The following HEBP1 variants were observed in gnomAD, a reference collection of about 807,000 sequenced individuals.
HEBP1 encodes the protein heme binding protein 1.
HEBP1 carries 13 observed loss-of-function variants against 20.4 expected under a neutral mutation model. That is an observed-to-expected ratio of 0.64 (90% CI 0.42 to 1.01). The LOEUF (loss-of-function observed/expected upper bound fraction) is 1.01, where lower values mean the gene tolerates loss of function less well. Ranked by LOEUF, HEBP1 falls within the 50% of genes least tolerant of loss-of-function variation. HEBP1 has a pLI of 0.00. For synonymous variants in HEBP1, 92 were observed against 90.7 expected (o/e 1.01, Z -0.08); for missense variants, 241 against 247.3 (o/e 0.97, Z 0.17).
intron 3 of HEBP1, chr12:12,984,720 A>T (rs896655715): frequency 2.0e-5 from 3 of 152,192 alleles, no homozygotes; most frequent in African/African-American, 7.2e-5. Flanking sequence ...TGAGCCCAGG[A>T]GTTTGAGGCT....
intron 1 of HEBP1, among the ~76,000 whole-genome samples, chr12:12,997,038 T>C (rs1864299057): frequency 6.6e-6 from 1 of 152,356 alleles, no homozygotes; most frequent in African/African-American, 2.4e-5. Flanking sequence ...TTTTCATGGT[T>C]TTAAAGAATT....
chr12:12,987,594 CTCTCTCTCTCTCTCTCTT>C (rs1327440456), intron 2 of HEBP1, among the ~76,000 whole-genome samples: 27 of 125,562 alleles, frequency 2.2e-4, no homozygotes, highest in African/African-American at 7.0e-4. Context: ...GTCTCTTTCT[CTCTCTCTCTCTCTCTCTT>C]TCTCTCTCTC....
At chr12:12,979,537 T>C (rs1381121063) in intron 3 of HEBP1, 3 of 152,214 alleles carry the variant, frequency 2.0e-5, no homozygotes, top group African/African-American at 7.2e-5. Context: ...CTTTGCCTCA[T>C]TGGTTCGTGC....
intron 3 of HEBP1, chr12:12,980,706 T>C (rs527882740): frequency 7.1e-6 from 1 of 140,218 alleles, no homozygotes; most frequent in African/African-American, 2.6e-5. Flanking sequence ...TGGTGGTGGG[T>C]GGGACGCTCT....
At position 12,975,448 on chromosome 12, in the gene HEBP1, A is replaced by G; in HGVS notation, c.430T>C (p.Tyr144His). ...CGCAGACGGGTGGCTTGTGCTACGT[A>G]GTCTGCTTCCTTGGCATAACCACCA... The part of the protein sequence containing the change: ...QFGGYAKEAD[Y>H]VAQATRLRAA... The change falls in exon 4 of 4, where the codon TAC (tyrosine) becomes CAC (histidine). Residue 144 changes from tyrosine (Y) to histidine (H), a missense_variant. Physicochemically the swap from Tyr to His is moderately conservative, Grantham distance 83. Transcript: ENST00000014930. The G allele has an allele frequency of 6.2e-7, 1 of 1,610,100 alleles. No individual in the cohort carries two copies. The highest frequency in any genetic ancestry group is 8.5e-7 in the Non-Finnish European group (1 of 1,178,434).
rs558357766 is a variant in HEBP1, at chr12:12,990,712, T to C, written c.79-1297A>G. Among the ~76,000 whole-genome samples, 14 of 152,272 alleles carry C rather than the reference T, an allele frequency of 9.2e-5. No individual in the cohort carries two copies. The East Asian group carries it at 2.7e-3, about 29-fold the overall frequency. ...AGTCTGACTTTGCAGGACTAACAAA[T>C]TAGCTACAAGATTAGAAATTACAAT... On this transcript the variant is annotated intron_variant, in intron 1 of 3. Coordinates refer to ENST00000014930, the MANE Select transcript of HEBP1 (RefSeq NM_015987.5).
At chr12:12,983,712 A>G (rs1864115540) in intron 3 of HEBP1, 2 of 455,978 alleles carry the variant, frequency 4.4e-6, no homozygotes, top group African/African-American at 4.0e-5. Flanking sequence ...GAGCCAGGCT[A>G]GACACCACAT....
chr12:12,992,782 G>A (rs965689130), intron 1 of HEBP1, among the ~76,000 whole-genome samples: 4 of 152,176 alleles, frequency 2.6e-5, no homozygotes, highest in African/African-American at 4.8e-5. Flanking sequence ...ATTTGAGAGC[G>A]CACCTACCCT....
intron 3 of HEBP1, among the ~76,000 whole-genome samples, chr12:12,978,343 T>C (rs1864026990): frequency 6.6e-6 from 1 of 150,402 alleles, no homozygotes; most frequent in Non-Finnish European, 1.5e-5. Flanking sequence ...CCCGAGTAGC[T>C]GGGACTACAG....
intron 2 of HEBP1, among the ~76,000 whole-genome samples, chr12:12,987,590 T>TCTCTCTCTC (rs1592403807): frequency 1.5e-5 from 2 of 133,210 alleles, no homozygotes; most frequent in African/African-American, 2.9e-5. Flanking sequence ...ATCAGTCTCT[T>TCTCTCTCTC]TCTCTCTCTC....
chr12:12,981,164 A>G (rs1864076978), intron 3 of HEBP1, among the ~76,000 whole-genome samples: 1 of 152,224 alleles, frequency 6.6e-6, no homozygotes, highest in Admixed American at 6.5e-5. Flanking sequence ...GCAGAAGTGA[A>G]GGAGTCAGAA....
rs1863960284 is a variant in HEBP1 at position 12,975,129 on chromosome 12, G to A, written c.*179C>T. ...TTGGCTGTATTATTTCCTACTGTGA[G>A]AAAAGAGACTTAGTATATGGAACAT... is the stretch of plus-strand genomic sequence containing the variant. On this transcript the variant is annotated 3_prime_UTR_variant, in exon 4 of 4. Transcript: ENST00000014930. 7.2e-6 allele frequency: 4 copies of A among 553,416 alleles called. No individual in the cohort carries two copies. The highest frequency in any genetic ancestry group is 1.3e-5 in the Non-Finnish European group (4 of 315,960). The allele number at this position is 553,416 out of a possible 1,614,324, so 34.3% of individuals were successfully genotyped here. A position where few individuals can be genotyped will look rare whatever the true frequency, so the allele number is the denominator to read the frequency against.
At chr12:12,994,793 G>A (rs544466063) in intron 1 of HEBP1, among the ~76,000 whole-genome samples, 81 of 152,276 alleles carry the variant, frequency 5.3e-4, no homozygotes, top group Admixed American at 1.6e-3. Context: ...CAGGTCTGGA[G>A]CTCAGCAGGG....
Position 13,000,079 on chromosome 12 carries a change from G to T in HEBP1, c.36C>A (p.Ser12Arg). 6.2e-7 allele frequency: 1 copy of T among 1,612,642 alleles called. No homozygotes were observed. The highest frequency in any genetic ancestry group is 8.5e-7 in the Non-Finnish European group (1 of 1,179,260). ...GGACCTGCCAAGGCCACGTCTCTACGCTTCCGAACAGCGAGTTCTTGATCA... is the reference window on the plus strand; with the variant it reads ...GGACCTGCCAAGGCCACGTCTCTACTCTTCCGAACAGCGAGTTCTTGATCA... ...LGMIKNSLFG[S>R]VETWPWQVLS... Residue 12 changes from serine to arginine, a missense_variant, in exon 1 of 4, where the codon AGC (serine) becomes AGA (arginine). Physicochemically the swap from Ser to Arg is moderately radical, Grantham distance 110. Coordinates refer to ENST00000014930, the MANE Select transcript of HEBP1 (RefSeq NM_015987.5).
intron 2 of HEBP1, among the ~76,000 whole-genome samples, chr12:12,987,590 T>TTCTCCCTCTCTC (rs1864167830): frequency 1.5e-5 from 2 of 133,212 alleles, no homozygotes; most frequent in African/African-American, 5.8e-5. Context: ...ATCAGTCTCT[T>TTCTCCCTCTCTC]TCTCTCTCTC....
In HEBP1 at chr12:12,986,380, T is replaced by C. The variant is rs1219740994; in HGVS notation, c.398+772A>G. On this transcript the variant is annotated intron_variant, in intron 3 of 3. Transcript: ENST00000014930. This position sits in a 1 kb window ranked among gnomAD's most constrained non-coding sequence, Gnocchi z 4.3. ...ACCAATACTCAGTCCAGTGCAATAT[T>C]ATATGTATGTGAATTTTTCATGAGG... is the stretch of plus-strand genomic sequence containing the variant. 1 of 152,162 alleles carries C rather than the reference T, an allele frequency of 6.6e-6. No individual in the cohort carries two copies. The highest frequency in any genetic ancestry group is 1.5e-5 in the Non-Finnish European group (1 of 68,034). The allele number at this position is 152,162 out of a possible 1,614,324, so 9.4% of individuals were successfully genotyped here. A position where few individuals can be genotyped will look rare whatever the true frequency, so the allele number is the denominator to read the frequency against.
chr12:12,996,650 TA>T lies in HEBP1; in HGVS notation c.78+3386del, dbSNP rs35369213. ...AATAATACCTTTATGTTTGTATATTTAAAAAAAAAAAGGTTTACAAGTATCT... is the reference window on the plus strand; with the variant it reads ...AATAATACCTTTATGTTTGTATATTTAAAAAAAAAAGGTTTACAAGTATCT... On this transcript the variant is annotated intron_variant, in intron 1 of 3. Transcript: ENST00000014930. The surrounding 1 kb of genome is among the most constrained non-coding windows in gnomAD (Gnocchi z 4.1). 0.72 allele frequency among the ~76,000 whole-genome samples: 107,726 copies of T among 150,600 alleles called. 40,678 individuals carry two copies. Among genetic ancestry groups the T allele is most frequent in the East Asian group, 0.96 (4,938 of 5,150 alleles).
At chr12:12,977,229 G>A (rs1483765852) in intron 3 of HEBP1, among the ~76,000 whole-genome samples, 1 of 152,198 alleles carries the variant, frequency 6.6e-6, no homozygotes, top group African/African-American at 2.4e-5. Context: ...TAGGGATAGT[G>A]ATAACATCAA....
intron 1 of HEBP1, among the ~76,000 whole-genome samples, chr12:12,999,394 C>G (rs10772616): frequency 0.7 from 106,451 of 152,146 alleles, 39,702 homozygotes; most frequent in South Asian, 0.85. Flanking sequence ...AGGGTTACTT[C>G]AATACCGCCA....
Sources: allele counts gnomAD v4.1 joint callset (sites outside exome capture counted in the v4.1 genomes callset), GRCh38; gene constraint gnomAD v4.1.1; non-coding constraint Gnocchi (gnomAD v3.1); transcripts MANE v1.5; gene names NCBI Gene and HGNC (gene_info 2026-07-23, HGNC 2026-07-21).